NBAS: variants seen among roughly 807,000 people sequenced by gnomAD.
NBAS encodes the protein NAG/BC035112 fusion.
NBAS carries 219 observed loss-of-function variants against 302.5 expected under a neutral mutation model. The observed-to-expected ratio is 0.72, with a 90% CI of 0.65 to 0.81. NBAS has a LOEUF of 0.81. Among genes scored for constraint, NBAS ranks in the 30% least tolerant of loss-of-function variants. NBAS has a pLI of 0.00. For synonymous variants in NBAS, 1,118 were observed against 1,021.6 expected (o/e 1.09, Z -1.80); for missense variants, 2,932 against 2,841.6 (o/e 1.03, Z -0.72).
intron 21 of NBAS, among the ~76,000 whole-genome samples, chr2:15,440,093 A>C (rs1023573015): frequency 6.6e-6 from 1 of 152,254 alleles, no homozygotes; most frequent in African/African-American, 2.4e-5. Context: ...CAGACAAACT[A>C]AAAGACAGCA....
chr2:14,842,861 A>AC, the NBAS span, among the ~76,000 whole-genome samples: 2,489 of 145,958 alleles, frequency 0.017, 73 homozygotes, highest in African/African-American at 0.054. Context: ...AAAAAAAAAA[A>AC]AAACATATAC....
the NBAS span, among the ~76,000 whole-genome samples, chr2:15,043,199 AC>A: frequency 6.6e-6 from 1 of 152,140 alleles, no homozygotes; most frequent in South Asian, 2.1e-4. Flanking sequence ...GACTCATCTG[AC>A]AGATGAGGAA....
rs377112590 is a variant in NBAS, at chr2:15,330,652, G to A, written c.4293C>T (p.Ala1431=). ...TTTTTKAVLQ[A]VSDGQWWKKS... The stretch of plus-strand genomic sequence containing the variant: ...TCTTCCACCACTGCCCATCACTGAC[G>A]GCCTGCAGCACCGCTTTGGTGGTGG... The change falls in exon 36 of 52, where the codon GCC becomes GCT. Residue 1431 remains alanine (A), a synonymous_variant. Transcript: ENST00000281513. 6.2e-6 allele frequency: 10 copies of A among 1,614,026 alleles called. No homozygotes were observed. In the Admixed American group the frequency reaches 8.3e-5, roughly 13 times the overall value.
chr2:14,954,780 G>A, the NBAS span, among the ~76,000 whole-genome samples: 6,579 of 152,128 alleles, frequency 0.043, 443 homozygotes, highest in African/African-American at 0.15. Flanking sequence ...GAACAGCATG[G>A]GGAAAACTGC....
At chr2:15,498,210 A>T (rs1288917617) in intron 11 of NBAS, among the ~76,000 whole-genome samples, 1 of 152,244 alleles carries the variant, frequency 6.6e-6, no homozygotes, top group Non-Finnish European at 1.5e-5. Context: ...TATGGCAGCA[A>T]TGTAGTATCA....
chr2:15,168,140 C>G (rs1459632075), intron 51 of NBAS, among the ~76,000 whole-genome samples: 4 of 152,196 alleles, frequency 2.6e-5, no homozygotes, highest in Non-Finnish European at 4.4e-5. Flanking sequence ...TTCGGAGCTT[C>G]TCACTTACAT....
the NBAS span, among the ~76,000 whole-genome samples, chr2:15,108,948 G>C: frequency 6.6e-6 from 1 of 152,080 alleles, no homozygotes; most frequent in Non-Finnish European, 1.5e-5. Flanking sequence ...AATCACATAT[G>C]AGAGAATCAA....
intron 41 of NBAS, among the ~76,000 whole-genome samples, chr2:15,290,201 G>T (rs932819084): frequency 6.6e-6 from 1 of 152,018 alleles, no homozygotes; most frequent in African/African-American, 2.4e-5. Flanking sequence ...ACAAGTGAAG[G>T]TGATGCTGCA....
the NBAS span, among the ~76,000 whole-genome samples, chr2:14,969,256 C>T: frequency 2.0e-5 from 3 of 152,084 alleles, no homozygotes; most frequent in African/African-American, 7.2e-5. Context: ...GTAAGAAAAA[C>T]ATTCAAAAGT....
chr2:15,146,848 G>T, the NBAS span, among the ~76,000 whole-genome samples: 3 of 152,262 alleles, frequency 2.0e-5, no homozygotes, highest in Non-Finnish European at 4.4e-5. Context: ...ATGGGTACAA[G>T]TGCAGAGAAG....
At chr2:15,101,422 A>C in the NBAS span, among the ~76,000 whole-genome samples, 1 of 152,092 alleles carries the variant, frequency 6.6e-6, no homozygotes, top group Non-Finnish European at 1.5e-5. Flanking sequence ...TACATATATA[A>C]GTTATGTATA....
the NBAS span, among the ~76,000 whole-genome samples, chr2:15,133,839 C>G: frequency 6.6e-6 from 1 of 152,082 alleles, no homozygotes; most frequent in Admixed American, 6.5e-5. Flanking sequence ...ATTTCTGTTT[C>G]AGGAAGGAAA....
At chr2:15,034,234 A>AG in the NBAS span, among the ~76,000 whole-genome samples, 7,364 of 61,482 alleles carry the variant, frequency 0.12, 730 homozygotes, top group Non-Finnish European at 0.14. Context: ...GAAAGAAAGA[A>AG]GGAAAGAAAG....
At chr2:15,084,827 C>G in the NBAS span, among the ~76,000 whole-genome samples, 45 of 152,328 alleles carry the variant, frequency 3.0e-4, no homozygotes, top group South Asian at 1.0e-3. Flanking sequence ...TGAAGCAAAA[C>G]AAATTATCCT....
chr2:14,819,214 C>T, the NBAS span, among the ~76,000 whole-genome samples: 8 of 152,266 alleles, frequency 5.3e-5, no homozygotes, highest in African/African-American at 1.9e-4. Flanking sequence ...ATTAGCTGCT[C>T]GGAACATGTT....
At chr2:14,928,665 T>G in the NBAS span, among the ~76,000 whole-genome samples, 1,018 of 152,176 alleles carry the variant, frequency 6.7e-3, 58 homozygotes, top group East Asian at 0.15. Context: ...GGGTTTTGTT[T>G]TTTTTTTTAA....
chr2:15,047,371 G>A, the NBAS span, among the ~76,000 whole-genome samples: 5 of 152,212 alleles, frequency 3.3e-5, no homozygotes, highest in East Asian at 1.9e-4. Flanking sequence ...GCAGGAAGGC[G>A]GGGCTTATGC....
At chr2:15,121,474 C>CAAACACTAGGACA in the NBAS span, among the ~76,000 whole-genome samples, 4 of 151,968 alleles carry the variant, frequency 2.6e-5, no homozygotes, top group Non-Finnish European at 5.9e-5. Context: ...AGGTACACGT[C>CAAACACTAGGACA]AAACACTAGG....
chr2:14,925,685 G>A, the NBAS span, among the ~76,000 whole-genome samples: 3 of 152,072 alleles, frequency 2.0e-5, no homozygotes, highest in Non-Finnish European at 2.9e-5. Flanking sequence ...CCACCCACAC[G>A]GAATGGTTTA....
Sources: gnomAD v4.1 joint callset for allele counts (sites outside exome capture counted in the v4.1 genomes callset) on GRCh38, gnomAD v4.1.1 for gene constraint, MANE v1.5 for transcripts, NCBI Gene and HGNC (gene_info 2026-07-23, HGNC 2026-07-21) for gene names.